Variants in ZNF438 observed in about 807,000 individuals in gnomAD.
The protein encoded by ZNF438 is zinc finger protein 438.
In ZNF438, 25 loss-of-function variants were observed where a neutral mutation model predicts 38.0. The observed-to-expected ratio is 0.66, with a 90% CI of 0.48 to 0.92. The LOEUF (loss-of-function observed/expected upper bound fraction) is 0.92. Among genes scored for constraint, ZNF438 ranks in the 40% least tolerant of loss-of-function variants. The pLI is 0.00. For missense variants in ZNF438, 1,007 were observed against 999.6 expected, an observed-to-expected ratio of 1.01 and a Z score of -0.10; for synonymous variants, 372 against 364.1, an observed-to-expected ratio of 1.02 and a Z score of -0.25.
At chr10:30,881,467 T>G (rs936649996) in intron 3 of ZNF438, among the ~76,000 whole-genome samples, 3 of 152,008 alleles carry the variant, frequency 2.0e-5, no homozygotes, top group East Asian at 1.9e-4. Context: ...AAAACACTCA[T>G]AGAGAGAAAT....
intron 1 of ZNF438, among the ~76,000 whole-genome samples, chr10:30,969,522 T>C (rs951081388): frequency 1.3e-5 from 2 of 152,194 alleles, no homozygotes; most frequent in South Asian, 4.1e-4. Flanking sequence ...AATACTTATA[T>C]TAGGAAAACA....
chr10:30,932,710 C>T lies in ZNF438; in HGVS notation c.-115+8865G>A, dbSNP rs145281292. Among the ~76,000 whole-genome samples the T allele has an allele frequency of 5.3e-5, 8 of 152,318 alleles. 1 individual carries two copies. The highest frequency in any genetic ancestry group is 1.0e-4 in the Non-Finnish European group (7 of 68,020). On this transcript the variant is annotated intron_variant, in intron 2 of 5. Coordinates refer to ENST00000413025, the Ensembl canonical transcript of ZNF438. The stretch of plus-strand genomic sequence containing the variant: ...GACCCCAAAATGATATGTTGAAGTC[C>T]TAACCCCCAGTACCTGTGAATATGA...
At chr10:30,906,235 CAAT>C (rs2042569003) in intron 3 of ZNF438, among the ~76,000 whole-genome samples, 1 of 152,220 alleles carries the variant, frequency 6.6e-6, no homozygotes, top group South Asian at 2.1e-4. Context: ...TTTTTCACAA[CAAT>C]ATTTTGTAGT....
intron 3 of ZNF438, among the ~76,000 whole-genome samples, chr10:30,907,074 A>G (rs1357734413): frequency 6.6e-6 from 1 of 152,186 alleles, no homozygotes; most frequent in African/African-American, 2.4e-5. Context: ...TCCTGGGTTC[A>G]AGCTATTCAC....
intron 3 of ZNF438, among the ~76,000 whole-genome samples, chr10:30,887,474 C>T (rs1399432637): frequency 1.1e-4 from 16 of 147,896 alleles, no homozygotes; most frequent in African/African-American, 1.5e-4. Flanking sequence ...ATTCCTCCTC[C>T]GGCTCCCGGG....
chr10:30,891,796 G>T (rs773026302), intron 3 of ZNF438, among the ~76,000 whole-genome samples: 1 of 152,046 alleles, frequency 6.6e-6, no homozygotes, highest in Non-Finnish European at 1.5e-5. Flanking sequence ...TTTCTTATTT[G>T]TTCAAATGTC....
At chr10:30,981,182 TA>T (rs1332219003) in intron 1 of ZNF438, among the ~76,000 whole-genome samples, 9 of 152,156 alleles carry the variant, frequency 5.9e-5, no homozygotes, top group African/African-American at 2.2e-4. Flanking sequence ...GTTCAGCAAT[TA>T]ATCAGGTGAC....
chr10:30,874,147 T>TATATATATATACATAC (rs1274085626), intron 4 of ZNF438, among the ~76,000 whole-genome samples: 1 of 76,844 alleles, frequency 1.3e-5, no homozygotes, highest in African/African-American at 7.7e-5. Context: ...TATATATATA[T>TATATATATATACATAC]ATATATATAT....
At chr10:30,919,105 A>G (rs775611104) in intron 2 of ZNF438, 1 of 152,246 alleles carries the variant, frequency 6.6e-6, no homozygotes, top group African/African-American at 2.4e-5. Context: ...GCAACTTGTT[A>G]TAATAGTAGT....
At chr10:30,868,119 G>C (rs1021619268) in intron 4 of ZNF438, among the ~76,000 whole-genome samples, 2 of 151,248 alleles carry the variant, frequency 1.3e-5, no homozygotes, top group African/African-American at 4.9e-5. Context: ...GCCCAGGCTG[G>C]AGTGCAATGG....
chr10:30,980,528 G>A (rs915818686), intron 1 of ZNF438, among the ~76,000 whole-genome samples: 19 of 152,152 alleles, frequency 1.2e-4, no homozygotes, highest in Admixed American at 9.8e-4. Flanking sequence ...GAACAACTGG[G>A]TATATCACTT....
At chr10:30,876,142 T>C (rs1220454084) in intron 4 of ZNF438, among the ~76,000 whole-genome samples, 1 of 152,254 alleles carries the variant, frequency 6.6e-6, no homozygotes, top group Admixed American at 6.5e-5. Flanking sequence ...AGAGTTATGA[T>C]ACTACCTTTC....
At chr10:30,874,269 C>T (rs1408377820) in intron 4 of ZNF438, among the ~76,000 whole-genome samples, 1 of 151,464 alleles carries the variant, frequency 6.6e-6, no homozygotes, top group African/African-American at 2.4e-5. Flanking sequence ...CTAGCTCAGC[C>T]TTCCAAGTAG....
chr10:30,898,684 T>C (rs556380976), intron 3 of ZNF438, among the ~76,000 whole-genome samples: 3 of 152,322 alleles, frequency 2.0e-5, no homozygotes, highest in Admixed American at 6.5e-5. Context: ...TAAGAACAGA[T>C]ATTTTGATTT....
chr10:30,977,865 C>T (rs183422238), intron 1 of ZNF438, among the ~76,000 whole-genome samples: 1 of 151,836 alleles, frequency 6.6e-6, no homozygotes, highest in East Asian at 1.9e-4. Flanking sequence ...CACCTGTAGT[C>T]CCAGCTACTC....
chr10:30,932,760 C>T (rs973611904), intron 2 of ZNF438, among the ~76,000 whole-genome samples: 8 of 152,150 alleles, frequency 5.3e-5, no homozygotes, highest in African/African-American at 1.9e-4. Flanking sequence ...AGGGTCTCTG[C>T]AGATATAATC....
At chr10:30,995,776 G>T (rs1313417379) in intron 1 of ZNF438, among the ~76,000 whole-genome samples, 1 of 152,102 alleles carries the variant, frequency 6.6e-6, no homozygotes, top group African/African-American at 2.4e-5. Flanking sequence ...TCGGGAGTAA[G>T]AAAATGACCC....
intron 1 of ZNF438, among the ~76,000 whole-genome samples, chr10:31,001,523 C>G (rs1032214356): frequency 2.0e-5 from 3 of 152,074 alleles, no homozygotes; most frequent in South Asian, 4.1e-4. Context: ...AGTGTGCCAA[C>G]TGATTTTAAA....
rs2133052491 is a variant in ZNF438, at chr10:30,857,844, G to A, written c.38-7477C>T. On this transcript the variant is annotated intron_variant, in intron 4 of 5. Coordinates refer to ENST00000413025, the Ensembl canonical transcript of ZNF438. Reference sequence around the variant, plus strand: ...GAATGAGGGCTCAATAGCACTAGGTGCCAATGTCTTACCCAGCTTTATTAA... The same window carrying A: ...GAATGAGGGCTCAATAGCACTAGGTACCAATGTCTTACCCAGCTTTATTAA... The A allele has an allele frequency of 2.8e-6, 3 of 1,065,352 alleles. No individual in the cohort carries two copies. The South Asian group carries it at 9.0e-5, about 32-fold the overall frequency. 66.0% of individuals were successfully genotyped at this position (1,065,352 alleles called of 1,614,324 possible). A position where few individuals can be genotyped will look rare whatever the true frequency, so the allele number is the denominator to read the frequency against.
Sources: allele counts gnomAD v4.1 joint callset (sites outside exome capture counted in the v4.1 genomes callset), GRCh38; gene constraint gnomAD v4.1.1; transcripts MANE v1.5; gene names NCBI Gene and HGNC (gene_info 2026-07-23, HGNC 2026-07-21).